Variants in ARHGEF16 observed in about 807,000 individuals in gnomAD.
ARHGEF16 encodes Rho guanine nucleotide exchange factor 16.
A neutral mutation model predicts 74.1 loss-of-function variants in ARHGEF16; 59 were observed. That is an observed-to-expected ratio of 0.80 (90% CI 0.65 to 0.99). ARHGEF16 has a LOEUF of 0.99. Among genes scored for constraint, ARHGEF16 ranks in the 50% least tolerant of loss-of-function variants. The probability of loss-of-function intolerance (pLI) is 0.00; values close to 1 mark genes in which losing one functional copy is unlikely to be tolerated. For synonymous variants in ARHGEF16, 415 were observed against 412.6 expected (o/e 1.01, Z -0.07); for missense variants, 948 against 986.6 (o/e 0.96, Z 0.52).
At chr1:3,461,962 G>A (rs888245619) in intron 1 of ARHGEF16, among the ~76,000 whole-genome samples, 2 of 152,204 alleles carry the variant, frequency 1.3e-5, no homozygotes, top group African/African-American at 4.8e-5. Flanking sequence ...CCTGCCTCGG[G>A]TCTGGAAGGA....
Position 3,474,734 on chromosome 1 carries a change from C to G in ARHGEF16, c.1332C>G (p.His444Gln), listed in dbSNP as rs1214066172. 3.1e-6 allele frequency: 5 copies of G among 1,612,796 alleles called. No individual in the cohort carries two copies. The highest frequency in any genetic ancestry group is 1.3e-5 in the African/African-American group (1 of 74,940). ...MDTLCLKTQGHSERYKAASRA... is the reference protein window; with the variant it reads ...MDTLCLKTQGQSERYKAASRA... ...CGCTCTGCCTCAAGACCCAGGGCCA[C>G]TCCGAAAGGTACAAGGCTGCCAGCC... Residue 444 changes from histidine (H) to glutamine (Q), a missense_variant, in exon 9 of 15, where the codon CAC becomes CAG. Physicochemically the swap from His to Gln is conservative, Grantham distance 24. Coordinates refer to ENST00000378378, the MANE Select transcript of ARHGEF16 (RefSeq NM_014448.4).
At chr1:3,462,942 C>A (rs1639436819) in intron 1 of ARHGEF16, 124 bp from the exon 2 acceptor site, 1 of 608,952 alleles carries the variant, frequency 1.6e-6, no homozygotes, top group Non-Finnish European at 2.6e-6. Context: ...GCTGTCCTTG[C>A]CTGCTGTGTC....
At chr1:3,470,596 G>A (rs1342014120) in intron 6 of ARHGEF16, among the ~76,000 whole-genome samples, 11 of 145,416 alleles carry the variant, frequency 7.6e-5, no homozygotes, top group Middle Eastern at 4.3e-3. Context: ...TGTGTTTTCG[G>A]TCAGGTGTGT....
At chr1:3,474,503 TC>T (rs1421514039) in intron 8 of ARHGEF16, 3 of 570,132 alleles carry the variant, frequency 5.3e-6, no homozygotes, top group Non-Finnish European at 9.5e-6. Flanking sequence ...TAGCTCCTGT[TC>T]CCACTCAACC....
At chr1:3,457,331 G>A (rs1028623484) in intron 1 of ARHGEF16, among the ~76,000 whole-genome samples, 5 of 152,320 alleles carry the variant, frequency 3.3e-5, no homozygotes, top group South Asian at 2.1e-4. Context: ...GGGGTCAGCC[G>A]GACCTAGAGG....
At chr1:3,478,290 C>A in intron 11 of ARHGEF16, 134 bp from the exon 12 acceptor site, 1 of 1,060,230 alleles carries the variant, frequency 9.4e-7, no homozygotes, top group Non-Finnish European at 1.4e-6. Context: ...CTGTGGGACG[C>A]GGGAACTCTT....
intron 1 of ARHGEF16, among the ~76,000 whole-genome samples, chr1:3,457,437 A>G (rs1419073862): frequency 2.0e-5 from 3 of 152,214 alleles, no homozygotes; most frequent in East Asian, 1.9e-4. Flanking sequence ...ACTTGGGGCA[A>G]TTGGGTCCTG....
Position 3,474,700 on chromosome 1 carries a change from C to G in ARHGEF16, c.1306-8C>G. On this transcript the variant is annotated splice_polypyrimidine_tract_variant and splice_region_variant and intron_variant, in intron 8 of 14. Transcript: ENST00000378378. ...GGACTTTCTGTCCCATGTCTGTTGT[C>G]CATCCAGACGCTCTGCCTCAAGACC... 1 of 1,612,256 alleles carries G rather than the reference C, an allele frequency of 6.2e-7. No individual in the cohort carries two copies. The highest frequency in any genetic ancestry group is 8.5e-7 in the Non-Finnish European group (1 of 1,179,378).
At position 3,467,211 on chromosome 1, in the gene ARHGEF16, C is replaced by T. The variant is rs568748359; in HGVS notation, c.678C>T (p.Thr226=). The change falls in exon 4 of 15, where the codon ACC becomes ACT. Residue 226 remains threonine, a synonymous_variant. Coordinates refer to ENST00000378378, the MANE Select transcript of ARHGEF16 (RefSeq NM_014448.4). The stretch of plus-strand genomic sequence containing the variant: ...AGATCCAGGAGCGGGGCCTGAACAC[C>T]AGCCAGGAGTCTGATGACGACATCC... The part of the protein sequence containing the change: ...YQEIQERGLN[T]SQESDDDILD... 6.4e-7 allele frequency: 1 copy of T among 1,550,656 alleles called. No individual in the cohort carries two copies. Among genetic ancestry groups the T allele is most frequent in the African/African-American group, 1.4e-5 (1 of 73,196 alleles).
chr1:3,459,868 G>T (rs1443688184), intron 1 of ARHGEF16, among the ~76,000 whole-genome samples: 1 of 152,110 alleles, frequency 6.6e-6, no homozygotes, highest in East Asian at 1.9e-4. Context: ...GGCAGGGAGG[G>T]GGTAGGAATG....
At chr1:3,477,171 G>C (rs112577856) in intron 10 of ARHGEF16, among the ~76,000 whole-genome samples, 2 of 151,450 alleles carry the variant, frequency 1.3e-5, no homozygotes, top group Non-Finnish European at 2.9e-5. Context: ...TGGGGAAGCC[G>C]GGGCCCACAG....
Position 3,473,492 on chromosome 1 carries a change from G to GCGGGTGACC in ARHGEF16, c.1279_1287dup (p.Val427_Arg429dup), listed in dbSNP as rs1639796560. The GCGGGTGACC allele has an allele frequency of 6.2e-7, 1 of 1,611,324 alleles. No homozygotes were observed. The highest frequency in any genetic ancestry group is 1.3e-5 in the African/African-American group (1 of 74,954). ...TCTCCTTCCTGATCCTCCCCATGCA[G>GCGGGTGACC]CGGGTGACCCGGCTGCCCCTCCTGA... On this transcript the variant is annotated inframe_insertion, in exon 8 of 15. Transcript: ENST00000378378.
chr1:3,477,174 G>T (rs1639902367), intron 10 of ARHGEF16, among the ~76,000 whole-genome samples: 1 of 151,410 alleles, frequency 6.6e-6, no homozygotes, highest in South Asian at 2.1e-4. Flanking sequence ...GGAAGCCGGG[G>T]CCCACAGGGA....
chr1:3,477,224 C>G (rs1639904557), intron 10 of ARHGEF16, among the ~76,000 whole-genome samples: 1 of 147,660 alleles, frequency 6.8e-6, no homozygotes, highest in Non-Finnish European at 1.5e-5. Context: ...GGAGCGGGAG[C>G]TGGTGGGCAG....
chr1:3,472,973 C>T (rs891846762), intron 6 of ARHGEF16, 105 bp from the exon 7 acceptor site: 15 of 1,326,656 alleles, frequency 1.1e-5, no homozygotes, highest in Middle Eastern at 2.5e-4. Flanking sequence ...GCTCCTGCCA[C>T]GTCCATGTAT....
chr1:3,468,702 G>A, intron 4 of ARHGEF16, 178 bp from the exon 5 acceptor site: 1 of 673,556 alleles, frequency 1.5e-6, no homozygotes, highest in Non-Finnish European at 2.6e-6. Flanking sequence ...ACACAGAGAG[G>A]AAGGTGACGG....
intron 8 of ARHGEF16, 83 bp downstream of exon 8, chr1:3,473,605 G>A (rs762738089): frequency 2.9e-5 from 46 of 1,581,498 alleles, no homozygotes; most frequent in Middle Eastern, 3.3e-4. Context: ...GGAGCATTAC[G>A]TGCTTGTGAC....
intron 6 of ARHGEF16, chr1:3,471,496 C>G (rs1294774911): frequency 2.7e-6 from 1 of 375,656 alleles, no homozygotes; most frequent in Non-Finnish European, 3.8e-6. Context: ...CAGGGACCAG[C>G]TATGGGAAAC....
chr1:3,480,944 G>C lies in ARHGEF16; in HGVS notation c.*357G>C, dbSNP rs989504639. 20 of 278,930 alleles carry C rather than the reference G, an allele frequency of 7.2e-5. No individual in the cohort carries two copies. Among genetic ancestry groups the C allele is most frequent in the African/African-American group, 4.2e-4 (19 of 45,496 alleles). The allele number at this position is 278,930 out of a possible 1,614,324, so 17.3% of individuals were successfully genotyped here. On this transcript the variant is annotated 3_prime_UTR_variant, in exon 15 of 15. Coordinates refer to ENST00000378378, the MANE Select transcript of ARHGEF16 (RefSeq NM_014448.4). ...GAGGCACCAATAGCGATTATTGGGG[G>C]CAATGCGAGGTCTCCTCCTATGCCC...
Sources: gnomAD v4.1 joint callset for allele counts (sites outside exome capture counted in the v4.1 genomes callset) on GRCh38, gnomAD v4.1.1 for gene constraint, MANE v1.5 for transcripts, NCBI Gene and HGNC (gene_info 2026-07-23, HGNC 2026-07-21) for gene names.